MANEAL: variants seen among roughly 807,000 people sequenced by gnomAD.
The protein encoded by MANEAL is glycoprotein endo-alpha-1,2-mannosidase-like protein.
In MANEAL, 28 loss-of-function variants were observed where a neutral mutation model predicts 35.9. That is an observed-to-expected ratio of 0.78 (90% CI 0.58 to 1.07). The LOEUF is 1.07. MANEAL is among the 50% of genes least tolerant of loss of function. The probability of loss-of-function intolerance (pLI) is 0.00; values close to 1 mark genes in which losing one functional copy is unlikely to be tolerated. For missense variants in MANEAL, 576 were observed against 629.6 expected, an observed-to-expected ratio of 0.91 and a Z score of 0.91; for synonymous variants, 286 against 272.2, an observed-to-expected ratio of 1.05 and a Z score of -0.50.
chr1:37,795,898 C>T (rs1043068408), intron 2 of MANEAL, 52 bp downstream of exon 2: 2 of 1,513,718 alleles, frequency 1.3e-6, no homozygotes, highest in Non-Finnish European at 1.8e-6. Context: ...TGGAGAGTTG[C>T]TCTCCTCCGC....
Position 37,799,432 on chromosome 1 carries a change from G to A in MANEAL, c.738-135G>A. 1 of 986,768 alleles carries A rather than the reference G, an allele frequency of 1.0e-6. No homozygotes were observed. The highest frequency in any genetic ancestry group is 1.6e-5 in the African/African-American group (1 of 61,680). The allele number at this position is 986,768 out of a possible 1,614,324, so 61.1% of individuals were successfully genotyped here. A position where few individuals can be genotyped will look rare whatever the true frequency, so the allele number is the denominator to read the frequency against. ...GGAGGGAACCAGGTTCTTGCTTAGA[G>A]GCATGATGACTCCAACTGTGGAGAC... On this transcript the variant is annotated intron_variant, in intron 3 of 3. Coordinates refer to ENST00000373045, the MANE Select transcript of MANEAL (RefSeq NM_001113482.2). This position sits in a 1 kb window ranked among gnomAD's most constrained non-coding sequence, Gnocchi z 4.1.
At chr1:37,795,653 C>G in intron 1 of MANEAL, 84 bp from the exon 2 acceptor site, 1 of 1,589,640 alleles carries the variant, frequency 6.3e-7, no homozygotes, top group African/African-American at 1.3e-5. Flanking sequence ...ACCATTTTTG[C>G]AATTGGAGAT....
intron 2 of MANEAL, 106 bp from the exon 3 acceptor site, chr1:37,796,638 C>G: frequency 9.0e-7 from 1 of 1,107,462 alleles, no homozygotes; most frequent in South Asian, 1.5e-5. Flanking sequence ...GCCAGGCCCT[C>G]TTCTGAACTC....
chr1:37,799,900 T>C lies in MANEAL; in HGVS notation c.1071T>C (p.Ser357=), dbSNP rs200501029. The C allele has an allele frequency of 2.6e-5, 42 of 1,614,202 alleles. No individual in the cohort carries two copies. The East Asian group carries it at 7.6e-4, about 29-fold the overall frequency. Residue 357 remains serine, a synonymous_variant, in exon 4 of 4, where the codon AGT becomes AGC. Transcript: ENST00000373045. This position sits in a 1 kb window ranked among gnomAD's most constrained non-coding sequence, Gnocchi z 4.1. ...CCAACAACCTCATGTTCATCCCCAG[T>C]GTGGGGCCTGGCTACATAGACACCA... ...CDANNLMFIP[S]VGPGYIDTSI... is the part of the protein sequence containing the mutation.
Position 37,800,140 on chromosome 1 carries a change from C to T in MANEAL, c.1311C>T (p.Tyr437=). 3 of 1,613,978 alleles carry T rather than the reference C, an allele frequency of 1.9e-6. No individual in the cohort carries two copies. Among genetic ancestry groups the T allele is most frequent in the Non-Finnish European group, 2.5e-6 (3 of 1,180,030 alleles). ...LDYLPHQPSL[Y]LELTRRWAEH... ...ACCTGCCTCACCAGCCCAGCCTGTA[C>T]CTGGAGCTGACACGCCGCTGGGCGG... The change falls in exon 4 of 4, where the codon TAC becomes TAT. Residue 437 remains tyrosine, a synonymous_variant. Coordinates refer to ENST00000373045, the MANE Select transcript of MANEAL (RefSeq NM_001113482.2).
At chr1:37,796,505 C>T (rs899343928) in intron 2 of MANEAL, among the ~76,000 whole-genome samples, 4 of 152,170 alleles carry the variant, frequency 2.6e-5, no homozygotes, top group Non-Finnish European at 5.9e-5. Context: ...ACCTATTAGC[C>T]ACCCTGTAAC....
rs1402257522 is a variant in MANEAL, at chr1:37,795,729, C to T, written c.551-8C>T. On this transcript the variant is annotated splice_region_variant and splice_polypyrimidine_tract_variant and intron_variant, in intron 1 of 3. Transcript: ENST00000373045. ...TGTCTCTGAAGTGGCCTCTGTGTTGCGTCTCAGGCGTCCTGGTCCTGTCCT... is the reference window on the plus strand; with the variant it reads ...TGTCTCTGAAGTGGCCTCTGTGTTGTGTCTCAGGCGTCCTGGTCCTGTCCT... The T allele has an allele frequency of 5.6e-6, 9 of 1,614,058 alleles. No homozygotes were observed. The highest frequency in any genetic ancestry group is 2.2e-5 in the East Asian group (1 of 44,880).
chr1:37,798,158 C>CA (rs1307437433), intron 3 of MANEAL, among the ~76,000 whole-genome samples: 2,851 of 151,144 alleles, frequency 0.019, 72 homozygotes, highest in African/African-American at 0.054. Flanking sequence ...CTTAAAAAAA[C>CA]AAACAAAAAA....
Position 37,800,207 on chromosome 1 carries a change from G to C in MANEAL, c.*4G>C, listed in dbSNP as rs555968118. 6 of 1,611,038 alleles carry C rather than the reference G, an allele frequency of 3.7e-6. No homozygotes were observed. The East Asian group carries it at 1.1e-4, about 30-fold the overall frequency. On this transcript the variant is annotated 3_prime_UTR_variant, in exon 4 of 4. Transcript: ENST00000373045. ...GAAGGAGCAGTGGCTCATGTGAGGG[G>C]CCTGTAAATGGGCGTGAGGTGCTGA...
At chr1:37,797,988 GA>G (rs916034044) in intron 3 of MANEAL, among the ~76,000 whole-genome samples, 1 of 148,944 alleles carries the variant, frequency 6.7e-6, no homozygotes, top group African/African-American at 2.5e-5. Flanking sequence ...CATCTCTACT[GA>G]AAAAAAAAAT....
intron 3 of MANEAL, among the ~76,000 whole-genome samples, chr1:37,798,828 C>T (rs1427128570): frequency 6.6e-6 from 1 of 152,126 alleles, no homozygotes; most frequent in Non-Finnish European, 1.5e-5. Flanking sequence ...TGACTGAGGT[C>T]AGGAGTTCAA....
At chr1:37,795,420 A>G (rs1646637092) in intron 1 of MANEAL, 1 of 973,308 alleles carries the variant, frequency 1.0e-6, no homozygotes, top group Non-Finnish European at 1.3e-6. Context: ...CTTCAGAGGT[A>G]GGCCTGTGGC....
Position 37,794,319 on chromosome 1 carries a change from C to T in MANEAL, c.137C>T (p.Pro46Leu), listed in dbSNP as rs1275086687. 1.8e-6 allele frequency: 2 copies of T among 1,141,456 alleles called. No individual in the cohort carries two copies. Among genetic ancestry groups the T allele is most frequent in the African/African-American group, 1.7e-5 (1 of 60,160 alleles). 70.7% of individuals were successfully genotyped at this position (1,141,456 alleles called of 1,614,324 possible). A position where few individuals can be genotyped will look rare whatever the true frequency, so the allele number is the denominator to read the frequency against. The change falls in exon 1 of 4, where the codon CCC becomes CTC. Residue 46 changes from proline to leucine, a missense_variant. By Grantham distance (98) the Pro-to-Leu change is moderately conservative. Around this residue, in one of 3 missense-constraint regions of MANEAL, gnomAD observed 122 missense variants for 97.2 expected, o/e 1.26. Transcript: ENST00000373045. This position sits in a 1 kb window ranked among gnomAD's most constrained non-coding sequence, Gnocchi z 5.7. ...CTGGGCCCGGGCCTGGAGCTGGCGC[C>T]CTTTGAGCGACGCCCAGAGGGGGCC... ...PALGPGLELA[P>L]FERRPEGAPA...
At chr1:37,796,446 C>T (rs1390003605) in intron 2 of MANEAL, among the ~76,000 whole-genome samples, 7 of 152,256 alleles carry the variant, frequency 4.6e-5, no homozygotes, top group Non-Finnish European at 8.8e-5. Context: ...ACTTATTCCA[C>T]TGTTTCAGGC....
At chr1:37,795,525 C>T in intron 1 of MANEAL, 4 of 1,386,526 alleles carry the variant, frequency 2.9e-6, no homozygotes, top group Non-Finnish European at 3.7e-6. Context: ...TGGCGCGCTA[C>T]GGTTCCCGCA....
Position 37,794,594 on chromosome 1 carries a change from TC to T in MANEAL, c.413del (p.Ser138TrpfsTer38). On this transcript the variant is annotated frameshift_variant, in exon 1 of 4. Coordinates refer to ENST00000373045, the MANE Select transcript of MANEAL (RefSeq NM_001113482.2). LOFTEE classifies it high-confidence loss of function. This position sits in a 1 kb window ranked among gnomAD's most constrained non-coding sequence, Gnocchi z 5.7. The stretch of plus-strand genomic sequence containing the variant: ...GGTGCCGCACTGGGACCCCAAGATC[TC>T]GGCCAGCTACCCCCGCGGCCGCCAC... ...VMVPHWDPKI[S>X]ASYPRGRHSP... The T allele has an allele frequency of 6.2e-7, 1 of 1,611,562 alleles. No individual in the cohort carries two copies. The highest frequency in any genetic ancestry group is 8.5e-7 in the Non-Finnish European group (1 of 1,179,600).
At position 37,800,019 on chromosome 1, in the gene MANEAL, A is replaced by G; in HGVS notation, c.1190A>G (p.Glu397Gly). ...ALQAALTVRP[E>G]IVSITSFNEW... ...CAGGCGGCCCTGACAGTGAGGCCCG[A>G]GATCGTTTCCATTACCTCCTTCAAT... The change falls in exon 4 of 4, where the codon GAG (glutamate) becomes GGG (glycine). Residue 397 changes from glutamate to glycine, a missense_variant. Transcript: ENST00000373045. The G allele has an allele frequency of 1.9e-6, 3 of 1,614,160 alleles. No individual in the cohort carries two copies. The highest frequency in any genetic ancestry group is 8.5e-7 in the Non-Finnish European group (1 of 1,180,032).
intron 3 of MANEAL, among the ~76,000 whole-genome samples, chr1:37,797,425 T>C (rs996633468): frequency 6.7e-6 from 1 of 149,882 alleles, no homozygotes; most frequent in Non-Finnish European, 1.5e-5. Context: ...AAATATTGAA[T>C]GAGGCTGCGT....
At position 37,800,408 on chromosome 1, in the gene MANEAL, A is replaced by C; in HGVS notation, c.*205A>C. On this transcript the variant is annotated 3_prime_UTR_variant, in exon 4 of 4. Transcript: ENST00000373045. ...AGTGGTGCTGAGGTGCTCTGTGGTG[A>C]TGGGAACGGCAGAGGCTGGCAGGTG... The C allele has an allele frequency of 1.6e-6, 1 of 628,574 alleles. No individual in the cohort carries two copies. Among genetic ancestry groups the C allele is most frequent in the Non-Finnish European group, 2.7e-6 (1 of 365,620 alleles). The allele number at this position is 628,574 out of a possible 1,614,324, so 38.9% of individuals were successfully genotyped here. A position where few individuals can be genotyped will look rare whatever the true frequency, so the allele number is the denominator to read the frequency against.
Sources: allele counts gnomAD v4.1 joint callset (sites outside exome capture counted in the v4.1 genomes callset), GRCh38; gene constraint gnomAD v4.1.1; regional missense constraint gnomAD v4.1.1; non-coding constraint Gnocchi (gnomAD v3.1); transcripts MANE v1.5; gene names NCBI Gene and HGNC (gene_info 2026-07-23, HGNC 2026-07-21).